Variants in BFSP1 observed in about 807,000 individuals in gnomAD.
BFSP1 encodes the protein filensin.
Under a neutral mutation model 43.9 loss-of-function variants are expected in BFSP1, and 38 were observed. That is an observed-to-expected ratio of 0.87 (90% CI 0.67 to 1.14). BFSP1 has a LOEUF of 1.14. Ranked by LOEUF, BFSP1 falls within the 50% of genes most tolerant of loss-of-function variation. The probability of loss-of-function intolerance (pLI) is 0.00; values close to 1 mark genes in which losing one functional copy is unlikely to be tolerated. For missense variants in BFSP1, 850 were observed against 875.1 expected (o/e 0.97, Z 0.36); for synonymous variants, 352 against 354.8 (o/e 0.99, Z 0.09).
intron 4 of BFSP1, 58 bp from the exon 5 acceptor site, chr20:17,509,054 G>A (rs879243587): frequency 6.1e-6 from 8 of 1,307,912 alleles, no homozygotes; most frequent in Admixed American, 5.7e-5. Flanking sequence ...AAAGGGCAGA[G>A]AAGGTGCGGG....
chr20:17,557,640 G>A (rs1198339972), intron 1 of BFSP1, among the ~76,000 whole-genome samples: 5 of 152,130 alleles, frequency 3.3e-5, no homozygotes, highest in Non-Finnish European at 7.4e-5. Flanking sequence ...ACCTTCATGC[G>A]CCTAACAGTC....
At position 17,496,920 on chromosome 20, in the gene BFSP1, A is replaced by G; in HGVS notation, c.1042+18T>C. The G allele has an allele frequency of 1.3e-6, 2 of 1,509,984 alleles. No homozygotes were observed. Among genetic ancestry groups the G allele is most frequent in the Non-Finnish European group, 1.8e-6 (2 of 1,127,934 alleles). The allele number at this position is 1,509,984 out of a possible 1,614,324, so 93.5% of individuals were successfully genotyped here. ...TCAAGACAGAAAAAAACAGAAGTCCAGTGTTGGGGAGCGTTACCTTTCCCA... is the reference window on the plus strand; with the variant it reads ...TCAAGACAGAAAAAAACAGAAGTCCGGTGTTGGGGAGCGTTACCTTTCCCA... On this transcript the variant is annotated intron_variant, in intron 7 of 7. Transcript: ENST00000377873.
At chr20:17,522,220 C>T (rs560357014) in intron 2 of BFSP1, among the ~76,000 whole-genome samples, 1 of 152,268 alleles carries the variant, frequency 6.6e-6, no homozygotes, top group South Asian at 2.1e-4. Context: ...ACAAAAGACC[C>T]CAACTCCTGT....
At position 17,547,716 on chromosome 20, in the gene BFSP1, T is replaced by G. The variant is rs531979522; in HGVS notation, c.2+10972A>C. Among the ~76,000 whole-genome samples the G allele has an allele frequency of 5.5e-5, 8 of 146,080 alleles. No homozygotes were observed. In the East Asian group the frequency reaches 1.1e-3, roughly 20 times the overall value. On this transcript the variant is annotated intron_variant, in intron 1 of 7. Coordinates refer to the BFSP1 transcript ENST00000377868. Reference sequence around the variant, plus strand: ...AAGTGGATTTTTAATAAGAGACATGTTTTTTTTCTTTTTCTTTCTTTTTTT... The same window carrying G: ...AAGTGGATTTTTAATAAGAGACATGGTTTTTTTCTTTTTCTTTCTTTTTTT...
Position 17,514,746 on chromosome 20 carries a change from C to A in BFSP1, c.509G>T (p.Ser170Ile). The change falls in exon 3 of 8, where the codon AGT becomes ATT. Residue 170 changes from serine to isoleucine, a missense_variant. By Grantham distance (142) the Ser-to-Ile change is moderately radical. Transcript: ENST00000377873. ...CTTCTTGTGCCTGTCCTTTGCCGCA[C>A]TGATATCATCTTGCAGAAATTGGGC... ...LEAQFLQDDI[S>I]AAKDRHKKNL... 6.2e-7 allele frequency: 1 copy of A among 1,614,100 alleles called. No individual in the cohort carries two copies. The highest frequency in any genetic ancestry group is 8.5e-7 in the Non-Finnish European group (1 of 1,179,960).
In BFSP1 at chr20:17,507,502, A is replaced by G. The variant is rs79329161; in HGVS notation, c.735+1387T>C. Among the ~76,000 whole-genome samples the G allele has an allele frequency of 5.3e-3, 812 of 152,236 alleles. 25 individuals carry two copies. The East Asian group carries it at 0.073, about 14-fold the overall frequency. On this transcript the variant is annotated intron_variant, in intron 5 of 7. Coordinates refer to ENST00000377873, the MANE Select transcript of BFSP1 (RefSeq NM_001195.5). The surrounding 1 kb of genome is among the most constrained non-coding windows in gnomAD (Gnocchi z 4.4). ...ATGAGTTGTCACTAGCCATTTGGAA[A>G]ACACTGGTCTCTAGGACCACGACTG...
At position 17,507,272 on chromosome 20, in the gene BFSP1, GGTGT is replaced by G. The variant is rs373485156; in HGVS notation, c.735+1613_735+1616del. Among the ~76,000 whole-genome samples the G allele has an allele frequency of 0.028, 3,909 of 141,234 alleles. 123 individuals are homozygous for G. Among genetic ancestry groups the G allele is most frequent in the African/African-American group, 0.077 (2,919 of 37,858 alleles). The allele number at this position is 141,234 out of a possible 152,430, so 92.7% of individuals were successfully genotyped here. The stretch of plus-strand genomic sequence containing the variant: ...GCGAGCCATACACATCAGATAGGTA[GGTGT>G]GTGTGTGTGTGTGTGTGTGTGTGTG... On this transcript the variant is annotated intron_variant, in intron 5 of 7. Coordinates refer to ENST00000377873, the MANE Select transcript of BFSP1 (RefSeq NM_001195.5). This position sits in a 1 kb window ranked among gnomAD's most constrained non-coding sequence, Gnocchi z 4.4.
chr20:17,523,735 C>T (rs1267269437), intron 2 of BFSP1, among the ~76,000 whole-genome samples: 1 of 151,584 alleles, frequency 6.6e-6, no homozygotes, highest in Admixed American at 6.6e-5. Flanking sequence ...CTCTTTTGCA[C>T]ACTGTCCTGG....
In BFSP1 at chr20:17,523,790, T is replaced by C. The variant is rs141889423; in HGVS notation, c.438+1058A>G. ...CTCACGCGCAGAGGGGCAGGTAACA[T>C]AGACAAAGCAAAATTGGGTTTCCCC... On this transcript the variant is annotated intron_variant, in intron 2 of 7. Transcript: ENST00000377873. Among the ~76,000 whole-genome samples the C allele has an allele frequency of 3.1e-3, 476 of 151,984 alleles. 1 individual carries two copies. Among genetic ancestry groups the C allele is most frequent in the African/African-American group, 0.011 (442 of 41,468 alleles).
chr20:17,497,081 T>C (rs2033652101), intron 6 of BFSP1, 58 bp from the exon 7 acceptor site: 2 of 1,328,578 alleles, frequency 1.5e-6, no homozygotes, highest in African/African-American at 3.1e-5. Context: ...AGAGCGACTC[T>C]CGTTAATGTT....
intron 5 of BFSP1, among the ~76,000 whole-genome samples, chr20:17,508,271 G>C (rs2033988337): frequency 6.6e-6 from 1 of 152,172 alleles, no homozygotes; most frequent in South Asian, 2.1e-4. Context: ...CCGGCAAGTA[G>C]CCAAGAAGGC....
In BFSP1 at chr20:17,496,952, C is replaced by G; in HGVS notation, c.1028G>C (p.Gly343Ala). ...GGGAGCGTTACCTTTCCCACCGGAT[C>G]CAGTGCTGAGAGAGACTCCATGGCT... is the stretch of plus-strand genomic sequence containing the variant. ...TQSHGVSLSTGSGGKDLTRAL... is the reference protein window; with the variant it reads ...TQSHGVSLSTASGGKDLTRAL... Residue 343 changes from glycine to alanine, a missense_variant, in exon 7 of 8, where the codon GGA becomes GCA. By Grantham distance (60) the Gly-to-Ala change is moderately conservative. Transcript: ENST00000377873. 1 of 1,540,676 alleles carries G rather than the reference C, an allele frequency of 6.5e-7. No individual in the cohort carries two copies. Among genetic ancestry groups the G allele is most frequent in the Non-Finnish European group, 8.7e-7 (1 of 1,144,066 alleles).
chr20:17,553,852 TATATATAC>T (rs1568718126), intron 1 of BFSP1, among the ~76,000 whole-genome samples: 1,895 of 83,548 alleles, frequency 0.023, 81 homozygotes, highest in African/African-American at 0.11. Context: ...TATATATACA[TATATATAC>T]ACATATATAT....
At chr20:17,551,201 T>C (rs907818797) in intron 1 of BFSP1, among the ~76,000 whole-genome samples, 20 of 152,206 alleles carry the variant, frequency 1.3e-4, no homozygotes, top group African/African-American at 4.8e-4. Context: ...TTCTGCAGGC[T>C]GTACAGGAAG....
intron 1 of BFSP1, among the ~76,000 whole-genome samples, chr20:17,528,687 G>A (rs563758419): frequency 1.3e-5 from 2 of 152,302 alleles, no homozygotes; most frequent in Admixed American, 6.5e-5. Context: ...TCCCCATGAA[G>A]TTCTGTAACA....
chr20:17,556,535 A>G (rs1033853397), intron 1 of BFSP1, among the ~76,000 whole-genome samples: 1 of 152,126 alleles, frequency 6.6e-6, no homozygotes, highest in Non-Finnish European at 1.5e-5. Context: ...ATAAAAAAAC[A>G]CAGGAACACA....
intron 5 of BFSP1, among the ~76,000 whole-genome samples, chr20:17,500,978 T>C (rs139176768): frequency 6.6e-6 from 1 of 152,186 alleles, no homozygotes; most frequent in Non-Finnish European, 1.5e-5. Flanking sequence ...CTGAGGGTGT[T>C]AAGAGTCTGA....
chr20:17,501,613 A>C (rs1393609317), intron 5 of BFSP1, among the ~76,000 whole-genome samples: 1 of 150,994 alleles, frequency 6.6e-6, no homozygotes, highest in Non-Finnish European at 1.5e-5. Context: ...AAAAAAAAAA[A>C]GCAGGTGTTC....
Position 17,494,710 on chromosome 20 carries a change from G to T in BFSP1, c.1362C>A (p.Ser454Arg). Residue 454 changes from serine (S) to arginine (R), a missense_variant, in exon 8 of 8, where the codon AGC (serine) becomes AGA (arginine). By Grantham distance (110) the Ser-to-Arg change is moderately radical. Coordinates refer to ENST00000377873, the MANE Select transcript of BFSP1 (RefSeq NM_001195.5). ...CAGTGGGGGTCTCAGGCTCTTTGGGGCTTCTCACTTTCTCCTTGACCTTCC... is the reference window on the plus strand; with the variant it reads ...CAGTGGGGGTCTCAGGCTCTTTGGGTCTTCTCACTTTCTCCTTGACCTTCC... ...LYRKVKEKVRSPKEPETPTEL... is the reference protein window; with the variant it reads ...LYRKVKEKVRRPKEPETPTEL... 6.2e-7 allele frequency: 1 copy of T among 1,613,666 alleles called. No individual in the cohort carries two copies. The highest frequency in any genetic ancestry group is 8.5e-7 in the Non-Finnish European group (1 of 1,179,848).
Sources: gnomAD v4.1 joint callset for allele counts (sites outside exome capture counted in the v4.1 genomes callset) on GRCh38, gnomAD v4.1.1 for gene constraint, Gnocchi (gnomAD v3.1) non-coding constraint, MANE v1.5 for transcripts, NCBI Gene and HGNC (gene_info 2026-07-23, HGNC 2026-07-21) for gene names.